SH2D4A: variants seen among roughly 807,000 people sequenced by gnomAD.
SH2D4A encodes the protein SH2 domain containing 4A, also known as SH2 domain-containing protein 4A.
Under a neutral mutation model 64.7 loss-of-function variants are expected in SH2D4A, and 70 were observed. The observed-to-expected ratio is 1.08, with a 90% confidence interval of 0.89 to 1.32. The LOEUF (loss-of-function observed/expected upper bound fraction) is 1.32, where lower values mean the gene tolerates loss of function less well. SH2D4A is among the 40% of genes most tolerant of loss of function. The pLI is 0.00. For synonymous variants in SH2D4A, 268 were observed against 200.7 expected, an observed-to-expected ratio of 1.34 and a Z score of -2.83; for missense variants, 706 against 540.1, an observed-to-expected ratio of 1.31 and a Z score of -3.04.
intron 8 of SH2D4A, among the ~76,000 whole-genome samples, chr8:19,382,667 A>T (rs1224082712): frequency 6.6e-6 from 1 of 152,048 alleles, no homozygotes. Flanking sequence ...GTTTATCAGG[A>T]TGTACTGCCA....
intron 5 of SH2D4A, chr8:19,360,685 A>G (rs912037737): frequency 6.6e-5 from 10 of 152,192 alleles, no homozygotes; most frequent in African/African-American, 9.6e-5. Flanking sequence ...ATTTTGGGAC[A>G]CATGACTCGG....
intron 1 of SH2D4A, among the ~76,000 whole-genome samples, chr8:19,318,949 C>G (rs974470978): frequency 6.6e-6 from 1 of 151,734 alleles, no homozygotes; most frequent in South Asian, 2.1e-4. Context: ...GAAATAGGTA[C>G]TTTGCAGAGA....
chr8:19,334,809 G>A lies in SH2D4A; in HGVS notation c.465G>A (p.Leu155=). 1 of 1,613,994 alleles carries A rather than the reference G, an allele frequency of 6.2e-7. No individual in the cohort carries two copies. The highest frequency in any genetic ancestry group is 8.5e-7 in the Non-Finnish European group (1 of 1,179,970). ...AGAAAGTGGCAGAAAAGGAGGAACT[G>A]GAGCAAGGATCGAGGCCAGCACCAA... ...IWKKVAEKEE[L]EQGSRPAPTL... The change falls in exon 4 of 10, where the codon CTG becomes CTA. Residue 155 remains leucine (L), a synonymous_variant. Coordinates refer to ENST00000265807, the MANE Select transcript of SH2D4A (RefSeq NM_022071.4).
intron 7 of SH2D4A, among the ~76,000 whole-genome samples, chr8:19,370,187 C>T (rs969515726): frequency 2.0e-5 from 3 of 151,974 alleles, no homozygotes; most frequent in Admixed American, 2.0e-4. Context: ...CTAACATATT[C>T]CTAGAGAGTA....
intron 8 of SH2D4A, among the ~76,000 whole-genome samples, chr8:19,392,712 T>A (rs1277109220): frequency 6.6e-6 from 1 of 151,948 alleles, no homozygotes; most frequent in African/African-American, 2.4e-5. Flanking sequence ...TCTAAATGGG[T>A]GTATAAGTAG....
At position 19,394,708 on chromosome 8, in the gene SH2D4A, C is replaced by A; in HGVS notation, c.*66C>A. The A allele has an allele frequency of 7.7e-7, 1 of 1,300,738 alleles. No homozygotes were observed. Among genetic ancestry groups the A allele is most frequent in the Non-Finnish European group, 1.1e-6 (1 of 940,998 alleles). 80.6% of individuals were successfully genotyped at this position (1,300,738 alleles called of 1,614,324 possible). Reference sequence around the variant, plus strand: ...TTCCCCTGGACAAATGCCACTGCAACATTTATGTGTGAAGCCAAAATCACC... The same window carrying A: ...TTCCCCTGGACAAATGCCACTGCAAAATTTATGTGTGAAGCCAAAATCACC... On this transcript the variant is annotated 3_prime_UTR_variant, in exon 10 of 10. Coordinates refer to ENST00000265807, the MANE Select transcript of SH2D4A (RefSeq NM_022071.4).
chr8:19,390,365 T>C (rs1373160966), intron 8 of SH2D4A, among the ~76,000 whole-genome samples: 3 of 152,036 alleles, frequency 2.0e-5, no homozygotes, highest in Non-Finnish European at 2.9e-5. Flanking sequence ...TGAGTGACTG[T>C]TTAAAAAAAA....
intron 8 of SH2D4A, among the ~76,000 whole-genome samples, chr8:19,390,479 A>T (rs1176014034): frequency 6.6e-6 from 1 of 152,206 alleles, no homozygotes; most frequent in African/African-American, 2.4e-5. Context: ...GCTTGGCAGT[A>T]ATCACAGCCA....
chr8:19,376,472 A>G (rs537886610), intron 8 of SH2D4A, among the ~76,000 whole-genome samples: 2 of 152,072 alleles, frequency 1.3e-5, no homozygotes, highest in African/African-American at 4.8e-5. Context: ...AAATACAAAA[A>G]CTAGCTGGAC....
rs935326928 is a variant in SH2D4A, at chr8:19,393,440, T to C, written c.1171T>C (p.Cys391Arg). The C allele has an allele frequency of 6.2e-7, 1 of 1,614,270 alleles. No individual in the cohort carries two copies. Residue 391 changes from cysteine (C) to arginine (R), a missense_variant, in exon 9 of 10, where the codon TGT (cysteine) becomes CGT (arginine). Physicochemically the swap from Cys to Arg is radical, Grantham distance 180. Transcript: ENST00000265807. ...CCTGTCCTATCTGTCGGAGGACGGC[T>C]GTAAACATTTCCTCATCGATGCCTC... ...YALSYLSEDG[C>R]KHFLIDASAD...
Position 19,332,920 on chromosome 8 carries a change from C to A in SH2D4A, c.182-35C>A, listed in dbSNP as rs759030514. Reference sequence around the variant, plus strand: ...TAATCTGTGACTAAAGATATTTGTTCAATCTGAATTTTTTGTTTGTGTGTT... The same window carrying A: ...TAATCTGTGACTAAAGATATTTGTTAAATCTGAATTTTTTGTTTGTGTGTT... On this transcript the variant is annotated intron_variant, in intron 2 of 9. Coordinates refer to ENST00000265807, the MANE Select transcript of SH2D4A (RefSeq NM_022071.4). 33 of 1,597,508 alleles carry A rather than the reference C, an allele frequency of 2.1e-5. No individual in the cohort carries two copies. The East Asian group carries it at 6.7e-4, about 32-fold the overall frequency.
intron 2 of SH2D4A, 129 bp downstream of exon 2, chr8:19,319,857 T>C (rs1226971752): frequency 2.6e-5 from 24 of 915,748 alleles, no homozygotes; most frequent in East Asian, 8.5e-5. Context: ...CTAAATGTTA[T>C]TGAGAATCTA....
chr8:19,357,362 T>A (rs963332987), intron 5 of SH2D4A, 79 bp downstream of exon 5: 8 of 1,030,728 alleles, frequency 7.8e-6, no homozygotes, highest in Non-Finnish European at 1.2e-5. Flanking sequence ...AGTTAATTAA[T>A]CTCATGCAGA....
At chr8:19,392,745 T>TG (rs1273220942) in intron 8 of SH2D4A, among the ~76,000 whole-genome samples, 4 of 151,908 alleles carry the variant, frequency 2.6e-5, no homozygotes, top group African/African-American at 9.7e-5. Flanking sequence ...TTTTTTTTTG[T>TG]TTTGTTTTTT....
At chr8:19,355,233 G>A (rs1414904611) in intron 4 of SH2D4A, among the ~76,000 whole-genome samples, 1 of 152,012 alleles carries the variant, frequency 6.6e-6, no homozygotes, top group Non-Finnish European at 1.5e-5. Context: ...GTGCCCCAAA[G>A]ATCTTATATC....
intron 8 of SH2D4A, among the ~76,000 whole-genome samples, chr8:19,381,734 T>G (rs2153651169): frequency 6.6e-6 from 1 of 152,306 alleles, no homozygotes; most frequent in Non-Finnish European, 1.5e-5. Flanking sequence ...TTCCTGATGT[T>G]AGAAGAAATG....
intron 4 of SH2D4A, among the ~76,000 whole-genome samples, chr8:19,351,614 CA>C (rs200932980): frequency 1.3e-5 from 2 of 149,022 alleles, no homozygotes; most frequent in Non-Finnish European, 3.0e-5. Context: ...AAAAACAAAA[CA>C]AAAAAAAACA....
intron 2 of SH2D4A, among the ~76,000 whole-genome samples, chr8:19,326,663 A>AGT (rs909908221): frequency 1.8e-5 from 2 of 109,448 alleles, no homozygotes; most frequent in Admixed American, 8.1e-5. Flanking sequence ...TGTATGTGTG[A>AGT]GTGTGTGTGT....
intron 3 of SH2D4A, among the ~76,000 whole-genome samples, chr8:19,333,490 G>A (rs188817779): frequency 1.1e-3 from 166 of 152,254 alleles, no homozygotes; most frequent in African/African-American, 3.9e-3. Flanking sequence ...AATGCAGGCC[G>A]ACGCAGCTGA....
Sources: allele counts gnomAD v4.1 joint callset (sites outside exome capture counted in the v4.1 genomes callset), GRCh38; gene constraint gnomAD v4.1.1; transcripts MANE v1.5; gene names NCBI Gene and HGNC (gene_info 2026-07-23, HGNC 2026-07-21).